Variants in MACROD2 observed in about 807,000 individuals in gnomAD.
MACROD2 encodes mono-ADP ribosylhydrolase 2, also known as ADP-ribose glycohydrolase MACROD2.
Under a neutral mutation model 70.4 loss-of-function variants are expected in MACROD2, and 36 were observed. That is an observed-to-expected ratio of 0.51 (90% CI 0.39 to 0.68). The LOEUF is 0.68. Among genes scored for constraint, MACROD2 ranks in the 30% least tolerant of loss-of-function variants. MACROD2 has a pLI of 0.00. For synonymous variants in MACROD2, 172 were observed against 178.8 expected, an observed-to-expected ratio of 0.96 and a Z score of 0.30; for missense variants, 496 against 538.4, an observed-to-expected ratio of 0.92 and a Z score of 0.78.
intron 5 of MACROD2, among the ~76,000 whole-genome samples, chr20:14,805,574 C>G (rs1039982988): frequency 6.6e-6 from 1 of 152,008 alleles, no homozygotes; most frequent in Non-Finnish European, 1.5e-5. Flanking sequence ...TAGCGAAGCT[C>G]TGAAAGGTTA....
At chr20:15,265,871 TCTC>T (rs1157096796) in intron 6 of MACROD2, among the ~76,000 whole-genome samples, 2 of 152,246 alleles carry the variant, frequency 1.3e-5, no homozygotes, top group Non-Finnish European at 2.9e-5. Context: ...TCTGCATTTC[TCTC>T]CTCATTTTTC....
At chr20:15,074,206 G>A (rs147970801) in intron 5 of MACROD2, among the ~76,000 whole-genome samples, 2 of 152,288 alleles carry the variant, frequency 1.3e-5, no homozygotes, top group African/African-American at 2.4e-5. Flanking sequence ...GCCAAAGAAG[G>A]CATGATTAGA....
chr20:15,245,424 A>G (rs1302910593), intron 6 of MACROD2, among the ~76,000 whole-genome samples: 1 of 152,228 alleles, frequency 6.6e-6, no homozygotes, highest in East Asian at 1.9e-4. Context: ...GGAACTAATT[A>G]TGAGGCAAGG....
intron 4 of MACROD2, among the ~76,000 whole-genome samples, chr20:14,531,995 A>G (rs145788803): frequency 1.8e-4 from 28 of 152,302 alleles, no homozygotes; most frequent in African/African-American, 6.7e-4. Context: ...GTGTGGACAC[A>G]TTCCAATGAG....
At chr20:15,460,871 A>G (rs928370125) in intron 7 of MACROD2, among the ~76,000 whole-genome samples, 5 of 151,062 alleles carry the variant, frequency 3.3e-5, no homozygotes, top group South Asian at 4.2e-4. Flanking sequence ...TGCACACCCT[A>G]GAGAAAACCT....
intron 8 of MACROD2, among the ~76,000 whole-genome samples, chr20:15,768,721 A>G (rs1402041664): frequency 6.6e-6 from 1 of 152,246 alleles, no homozygotes; most frequent in East Asian, 1.9e-4. Context: ...AATTTAAAAC[A>G]CAAACACATT....
At chr20:14,525,458 A>T (rs895148152) in intron 4 of MACROD2, among the ~76,000 whole-genome samples, 3 of 152,240 alleles carry the variant, frequency 2.0e-5, no homozygotes, top group Non-Finnish European at 4.4e-5. Context: ...ACTGTGATGA[A>T]AGTATTATTT....
chr20:15,435,319 C>G lies in MACROD2; in HGVS notation c.571+3884C>G, dbSNP rs2046414301. 2.0e-5 allele frequency among the ~76,000 whole-genome samples: 3 copies of G among 152,072 alleles called. No individual in the cohort carries two copies. In the South Asian group the frequency reaches 6.2e-4, roughly 32 times the overall value. ...TGAGATCTGTGGTATATTTATGTAT[C>G]TATAATTCATTAACAATTCATCTTT... On this transcript the variant is annotated intron_variant, in intron 7 of 17. Transcript: ENST00000684519.
chr20:15,603,504 CA>C (rs35734719), intron 8 of MACROD2, among the ~76,000 whole-genome samples: 41,557 of 97,610 alleles, frequency 0.43, 5,711 homozygotes, highest in Middle Eastern at 0.51. Context: ...TGAGACGTCT[CA>C]AAAAAAAAAA....
chr20:14,814,765 G>T (rs754569278), intron 5 of MACROD2, among the ~76,000 whole-genome samples: 2 of 151,890 alleles, frequency 1.3e-5, no homozygotes, highest in Non-Finnish European at 2.9e-5. Flanking sequence ...GCTGGTTAAA[G>T]GTGACAGATA....
intron 4 of MACROD2, among the ~76,000 whole-genome samples, chr20:14,665,043 G>A (rs190042629): frequency 6.6e-6 from 1 of 152,188 alleles, no homozygotes; most frequent in East Asian, 1.9e-4. Flanking sequence ...AGTGGGGTGG[G>A]AAAACTGACA....
At chr20:14,842,543 A>G (rs533564475) in intron 5 of MACROD2, among the ~76,000 whole-genome samples, 5 of 152,074 alleles carry the variant, frequency 3.3e-5, no homozygotes, top group Admixed American at 6.6e-5. Flanking sequence ...AGTGTATGCT[A>G]TTAGGCTTTG....
At chr20:14,183,637 C>T (rs1288790609) in intron 3 of MACROD2, among the ~76,000 whole-genome samples, 1 of 151,826 alleles carries the variant, frequency 6.6e-6, no homozygotes, top group African/African-American at 2.4e-5. Flanking sequence ...TACTCCCATC[C>T]TGGACGTATA....
At chr20:14,308,621 TG>T (rs2082540219) in intron 3 of MACROD2, among the ~76,000 whole-genome samples, 1 of 152,154 alleles carries the variant, frequency 6.6e-6, no homozygotes, top group Non-Finnish European at 1.5e-5. Context: ...ACATGCAGTA[TG>T]TTTTAACAAA....
chr20:15,129,782 G>C (rs2076092108), intron 5 of MACROD2, among the ~76,000 whole-genome samples: 1 of 152,100 alleles, frequency 6.6e-6, no homozygotes, highest in Non-Finnish European at 1.5e-5. Context: ...TGGGCTTGGT[G>C]AAACAGATGC....
intron 3 of MACROD2, among the ~76,000 whole-genome samples, chr20:14,272,855 T>G (rs1334744720): frequency 6.6e-6 from 1 of 152,040 alleles, no homozygotes; most frequent in Admixed American, 6.5e-5. Flanking sequence ...TAGTCTCTGA[T>G]AAAACAGACT....
intron 6 of MACROD2, among the ~76,000 whole-genome samples, chr20:15,301,048 C>T (rs1024277577): frequency 1.3e-5 from 2 of 152,134 alleles, no homozygotes; most frequent in Non-Finnish European, 2.9e-5. Context: ...GAGAGGAGAA[C>T]GTGTTCTGCT....
At chr20:14,094,904 G>A (rs1415751416) in intron 3 of MACROD2, among the ~76,000 whole-genome samples, 5 of 151,932 alleles carry the variant, frequency 3.3e-5, no homozygotes, top group Admixed American at 1.3e-4. Context: ...GTCCCCCACC[G>A]TTTTTCTCAT....
At chr20:15,377,181 C>T (rs941450079) in intron 6 of MACROD2, among the ~76,000 whole-genome samples, 2 of 152,154 alleles carry the variant, frequency 1.3e-5, no homozygotes, top group Non-Finnish European at 2.9e-5. Context: ...TAAGCCACCA[C>T]GTCAGGCCTC....
Sources: gnomAD v4.1 joint callset for allele counts (sites outside exome capture counted in the v4.1 genomes callset) on GRCh38, gnomAD v4.1.1 for gene constraint, MANE v1.5 for transcripts, NCBI Gene and HGNC (gene_info 2026-07-23, HGNC 2026-07-21) for gene names.